The following TUSC3 variants were observed in gnomAD, a reference collection of about 807,000 sequenced individuals.
TUSC3 encodes the protein dolichyl-diphosphooligosaccharide--protein glycosyltransferase subunit TUSC3.
TUSC3 carries 45 observed loss-of-function variants against 44.8 expected under a neutral mutation model. That is an observed-to-expected ratio of 1.00 (90% CI 0.79 to 1.29). The LOEUF is 1.29. Ranked by LOEUF, TUSC3 falls within the 50% of genes most tolerant of loss-of-function variation. The pLI, the probability that TUSC3 is intolerant of heterozygous loss-of-function variation, is 0.00. For synonymous variants in TUSC3, 212 were observed against 152.9 expected (o/e 1.39, Z -2.85); for missense variants, 519 against 437.9 (o/e 1.19, Z -1.65).
intron 1 of TUSC3, among the ~76,000 whole-genome samples, chr8:15,548,071 C>T (rs1372869644): frequency 2.0e-5 from 3 of 151,478 alleles, no homozygotes; most frequent in Non-Finnish European, 4.4e-5. Flanking sequence ...CACCAGAACC[C>T]GACCATGCTG....
chr8:15,630,832 C>A (rs7017500), intron 2 of TUSC3, among the ~76,000 whole-genome samples: 5 of 152,006 alleles, frequency 3.3e-5, no homozygotes, highest in African/African-American at 1.2e-4. Flanking sequence ...GCTAAAATCA[C>A]GTGGAAAAGA....
intron 1 of TUSC3, among the ~76,000 whole-genome samples, chr8:15,604,423 G>A (rs1234863206): frequency 6.6e-6 from 1 of 151,334 alleles, no homozygotes; most frequent in Non-Finnish European, 1.5e-5. Flanking sequence ...TGAGTACGTG[G>A]GTTTTTGTTT....
the TUSC3 span, among the ~76,000 whole-genome samples, chr8:15,786,635 G>T: frequency 6.6e-6 from 1 of 152,006 alleles, no homozygotes. Context: ...GAAATATACA[G>T]AAAACTCATT....
intron 1 of TUSC3, among the ~76,000 whole-genome samples, chr8:15,448,461 C>T (rs1455245312): frequency 6.6e-6 from 1 of 152,084 alleles, no homozygotes; most frequent in African/African-American, 2.4e-5. Flanking sequence ...ATGCATGTAT[C>T]AGCATAACTT....
chr8:15,570,070 G>T (rs993525976), intron 1 of TUSC3, among the ~76,000 whole-genome samples: 26 of 151,814 alleles, frequency 1.7e-4, no homozygotes, highest in Admixed American at 1.5e-3. Context: ...AAACCTTCAG[G>T]TTTATAAAAG....
chr8:15,552,204 G>A (rs1263545284), intron 1 of TUSC3, among the ~76,000 whole-genome samples: 2 of 151,722 alleles, frequency 1.3e-5, no homozygotes, highest in Admixed American at 6.6e-5. Context: ...ATATATTGGA[G>A]TATCATCATC....
At chr8:15,621,057 C>T (rs10093881) in intron 1 of TUSC3, among the ~76,000 whole-genome samples, 83,010 of 151,774 alleles carry the variant, frequency 0.55, 22,817 homozygotes, top group East Asian at 0.6. Context: ...GTAACTCATA[C>T]GTAAGTAACT....
chr8:15,510,180 A>T (rs1801113025), intron 2 of TUSC3, among the ~76,000 whole-genome samples: 1 of 152,176 alleles, frequency 6.6e-6, no homozygotes, highest in African/African-American at 2.4e-5. Context: ...TACATTTGCA[A>T]ATCTTGAAAA....
At chr8:15,590,770 C>G (rs1185070893) in intron 1 of TUSC3, among the ~76,000 whole-genome samples, 1 of 151,828 alleles carries the variant, frequency 6.6e-6, no homozygotes, top group Non-Finnish European at 1.5e-5. Context: ...CTCCTGGGCT[C>G]AGGCAGTCCT....
rs925243560 is a variant in TUSC3 at position 15,766,228 on chromosome 8, G to C, written c.*2072G>C. Reference sequence around the variant, plus strand: ...TAGACAACTGTTACATTAGGGAAGTGATTCTAGAGCAAAATATACTGCCTC... The same window carrying C: ...TAGACAACTGTTACATTAGGGAAGTCATTCTAGAGCAAAATATACTGCCTC... On this transcript the variant is annotated 3_prime_UTR_variant, in exon 11 of 11. Transcript: ENST00000503731. 2.6e-5 allele frequency: 4 copies of C among 152,010 alleles called. No homozygotes were observed. The highest frequency in any genetic ancestry group is 9.7e-5 in the African/African-American group (4 of 41,392). The allele number at this position is 152,010 out of a possible 1,614,324, so 9.4% of individuals were successfully genotyped here. A position where few individuals can be genotyped will look rare whatever the true frequency, so the allele number is the denominator to read the frequency against.
chr8:15,616,885 A>G (rs1240642639), intron 1 of TUSC3, among the ~76,000 whole-genome samples: 1 of 152,144 alleles, frequency 6.6e-6, no homozygotes, highest in Non-Finnish European at 1.5e-5. Context: ...GGCCAAGCAT[A>G]GAACTGCAGT....
upstream of TUSC3, among the ~76,000 whole-genome samples, chr8:15,538,685 TC>T (rs1387267311): frequency 6.6e-6 from 1 of 152,176 alleles, no homozygotes; most frequent in African/African-American, 2.4e-5. Context: ...CACAACAGTT[TC>T]GTTTCTTTGA....
Position 15,442,316 on chromosome 8 carries a change from C to T in TUSC3, n.91+25011C>T, listed in dbSNP as rs567377834. Among the ~76,000 whole-genome samples, 32 of 149,506 alleles carry T rather than the reference C, an allele frequency of 2.1e-4. No individual in the cohort carries two copies. In the South Asian group the frequency reaches 3.2e-3, roughly 15 times the overall value. On this transcript the variant is annotated intron_variant and non_coding_transcript_variant, in intron 1 of 5. Coordinates refer to the TUSC3 transcript ENST00000503191. ...TAATCTGAAAAATCTCTAAAAGTGA[C>T]TTGAGGAAGTATTTTTTTTAAAGGT...
intron 2 of TUSC3, among the ~76,000 whole-genome samples, chr8:15,631,668 TTGTG>T (rs147004169): frequency 0.29 from 42,480 of 144,988 alleles, 6,003 homozygotes; most frequent in African/African-American, 0.33. Context: ...TTTAAGGCTG[TTGTG>T]TGTGTGTGTG....
intron 1 of TUSC3, among the ~76,000 whole-genome samples, chr8:15,567,788 G>A (rs201811139): frequency 6.6e-6 from 1 of 152,146 alleles, no homozygotes; most frequent in African/African-American, 2.4e-5. Context: ...TGTGGTTATT[G>A]TGTGCACATT....
chr8:15,651,879 G>A lies in TUSC3; in HGVS notation c.426+1065G>A, dbSNP rs542188066. Among the ~76,000 whole-genome samples the A allele has an allele frequency of 2.0e-5, 3 of 152,226 alleles. No individual in the cohort carries two copies. The East Asian group carries it at 5.8e-4, about 29-fold the overall frequency. On this transcript the variant is annotated intron_variant, in intron 3 of 10. Coordinates refer to ENST00000503731, the MANE Select transcript of TUSC3 (RefSeq NM_006765.4). ...TTGTATCATCATCATTGTTGACATC[G>A]AGAGCTTATGTCCAGGCACTGTTCA...
In TUSC3 at chr8:15,523,658, A is replaced by G. The variant is rs1325594833; in HGVS notation, n.189+40175A>G. On this transcript the variant is annotated intron_variant and non_coding_transcript_variant, in intron 2 of 5. Transcript: ENST00000503191. ...TAAAAACATATATATATATATATAT[A>G]TATATATGTGTGTGTGTGTGTGTGT... is the stretch of plus-strand genomic sequence containing the variant. Among the ~76,000 whole-genome samples, 96 of 21,320 alleles carry G rather than the reference A, an allele frequency of 4.5e-3. No homozygotes were observed. In the East Asian group the frequency reaches 0.062, roughly 14 times the overall value. The allele number at this position is 21,320 out of a possible 152,430, so 14.0% of individuals were successfully genotyped here.
intron 3 of TUSC3, among the ~76,000 whole-genome samples, chr8:15,652,541 C>T (rs1299007700): frequency 1.3e-5 from 2 of 152,040 alleles, no homozygotes; most frequent in African/African-American, 4.8e-5. Context: ...TAGTTCTCCT[C>T]TATAAGCAGC....
chr8:15,845,883 A>C, the TUSC3 span, among the ~76,000 whole-genome samples: 1 of 152,286 alleles, frequency 6.6e-6, no homozygotes, highest in Admixed American at 6.5e-5. Flanking sequence ...GACATACCTG[A>C]GACTGGAAAG....
Sources: allele counts gnomAD v4.1 joint callset (sites outside exome capture counted in the v4.1 genomes callset), GRCh38; gene constraint gnomAD v4.1.1; transcripts MANE v1.5; gene names NCBI Gene and HGNC (gene_info 2026-07-23, HGNC 2026-07-21).